Variants in MYH15 observed in about 807,000 individuals in gnomAD.
The protein encoded by MYH15 is myosin-15.
Under a neutral mutation model 240.5 loss-of-function variants are expected in MYH15, and 227 were observed. The ratio of observed to expected loss-of-function variants is 0.94; its 90% confidence interval spans 0.85 to 1.05. The LOEUF (loss-of-function observed/expected upper bound fraction) is 1.05. Among genes scored for constraint, MYH15 ranks in the 50% least tolerant of loss-of-function variants. The pLI, the probability that MYH15 is intolerant of heterozygous loss-of-function variation, is 0.00. For synonymous variants in MYH15, 785 were observed against 796.7 expected (o/e 0.99, Z 0.25); for missense variants, 2,217 against 2,247.5 (o/e 0.99, Z 0.27).
At chr3:108,383,270 T>C (rs1459823968) in intron 40 of MYH15, among the ~76,000 whole-genome samples, 1 of 152,218 alleles carries the variant, frequency 6.6e-6, no homozygotes, top group Non-Finnish European at 1.5e-5. Flanking sequence ...CTGTGCTTTT[T>C]AAAATCAACT....
chr3:108,441,119 G>C lies in MYH15; in HGVS notation c.2797C>G (p.Arg933Gly), dbSNP rs1317895575. The change falls in exon 23 of 41, where the codon CGG becomes GGG. Residue 933 changes from arginine (R) to glycine (G), a missense_variant. Physicochemically the swap from Arg to Gly is moderately radical, Grantham distance 125. Coordinates refer to ENST00000693548, the MANE Select transcript of MYH15 (RefSeq NM_014981.3). ...EINSELTARG[R>G]KLEDECFELK... Reference sequence around the variant, plus strand: ...TCAAAACATTCATCTTCGAGTTTCCGCCCCCTGGCAGTCAGCTCAGAATTT... The same window carrying C: ...TCAAAACATTCATCTTCGAGTTTCCCCCCCCTGGCAGTCAGCTCAGAATTT... 4.3e-6 allele frequency: 7 copies of C among 1,614,026 alleles called. No individual in the cohort carries two copies. Among genetic ancestry groups the C allele is most frequent in the Non-Finnish European group, 5.9e-6 (7 of 1,179,990 alleles).
chr3:108,528,208 A>G (rs993882470), intron 1 of MYH15, among the ~76,000 whole-genome samples: 1 of 152,200 alleles, frequency 6.6e-6, no homozygotes, highest in Admixed American at 6.5e-5. Context: ...AAATACAATA[A>G]TATCTGTAAA....
intron 8 of MYH15, among the ~76,000 whole-genome samples, chr3:108,492,865 G>T (rs1053073373): frequency 6.6e-6 from 1 of 151,992 alleles, no homozygotes; most frequent in Non-Finnish European, 1.5e-5. Context: ...GTAGAGGATT[G>T]CTTGATCCCA....
chr3:108,479,353 G>A (rs1291040713), intron 11 of MYH15, among the ~76,000 whole-genome samples: 1 of 152,170 alleles, frequency 6.6e-6, no homozygotes, highest in Non-Finnish European at 1.5e-5. Context: ...GCATCAGTGT[G>A]TATTGGAATA....
intron 29 of MYH15, among the ~76,000 whole-genome samples, chr3:108,414,955 A>G (rs2082622120): frequency 6.6e-6 from 1 of 152,228 alleles, no homozygotes; most frequent in South Asian, 2.1e-4. Flanking sequence ...AATGTTCTCT[A>G]TGTACACTGT....
At chr3:108,528,810 C>CT (rs2083692641) in intron 1 of MYH15, among the ~76,000 whole-genome samples, 1 of 152,180 alleles carries the variant, frequency 6.6e-6, no homozygotes, top group African/African-American at 2.4e-5. Flanking sequence ...ACTATTCTGA[C>CT]TTTTTGCCTT....
At chr3:108,529,821 C>T (rs1193205233), upstream of MYH15, among the ~76,000 whole-genome samples, 1 of 152,144 alleles carries the variant, frequency 6.6e-6, no homozygotes, top group Non-Finnish European at 1.5e-5. Context: ...GTTTTCAGAC[C>T]ATGACCAGCA....
At chr3:108,468,870 A>T (rs1002352350) in intron 14 of MYH15, among the ~76,000 whole-genome samples, 1 of 152,204 alleles carries the variant, frequency 6.6e-6, no homozygotes, top group Non-Finnish European at 1.5e-5. Context: ...CCAGAAGATA[A>T]ATCTGTTCCT....
chr3:108,404,449 A>G (rs1157411771), intron 33 of MYH15, among the ~76,000 whole-genome samples: 2 of 152,334 alleles, frequency 1.3e-5, no homozygotes, highest in East Asian at 3.9e-4. Context: ...TAATATAATC[A>G]TCGTTAATTC....
chr3:108,421,219 A>G lies in MYH15; in HGVS notation c.3703-5T>C, dbSNP rs1442082835. The G allele has an allele frequency of 5.0e-6, 8 of 1,610,470 alleles. No homozygotes were observed. The highest frequency in any genetic ancestry group is 5.9e-6 in the Non-Finnish European group (7 of 1,179,504). Reference sequence around the variant, plus strand: ...ACAGAGTTTCTCAGCATTTGCCTATAAGTTGAGAAAGAAGGGCTGGTCAGG... The same window carrying G: ...ACAGAGTTTCTCAGCATTTGCCTATGAGTTGAGAAAGAAGGGCTGGTCAGG... On this transcript the variant is annotated splice_polypyrimidine_tract_variant and splice_region_variant and intron_variant, in intron 27 of 40. Coordinates refer to ENST00000693548, the MANE Select transcript of MYH15 (RefSeq NM_014981.3).
chr3:108,407,212 AC>A (rs1326844251), intron 32 of MYH15, among the ~76,000 whole-genome samples: 1 of 152,214 alleles, frequency 6.6e-6, no homozygotes, highest in African/African-American at 2.4e-5. Flanking sequence ...TTCTGGAATC[AC>A]AACGGTGAGG....
chr3:108,414,498 AT>A (rs919459879), intron 29 of MYH15, 70 bp from the exon 30 acceptor site: 4,203 of 1,257,656 alleles, frequency 3.3e-3, no homozygotes, highest in South Asian at 4.9e-3. Flanking sequence ...AAGTAAGCTA[AT>A]TTTTTTTTTA....
intron 33 of MYH15, among the ~76,000 whole-genome samples, chr3:108,402,856 C>G (rs572486944): frequency 1.3e-5 from 2 of 152,276 alleles, no homozygotes; most frequent in African/African-American, 4.8e-5. Context: ...ACTAACATGG[C>G]AATTATGGCA....
At chr3:108,382,611 T>C (rs2082351680) in intron 40 of MYH15, among the ~76,000 whole-genome samples, 1 of 152,176 alleles carries the variant, frequency 6.6e-6, no homozygotes, top group South Asian at 2.1e-4. Context: ...GTGTGACTTT[T>C]TACCATGTCA....
At chr3:108,479,767 AG>A (rs149994616) in intron 11 of MYH15, among the ~76,000 whole-genome samples, 6,161 of 152,286 alleles carry the variant, frequency 0.04, 397 homozygotes, top group African/African-American at 0.14. Context: ...AAAAAGGTAG[AG>A]AAACTCAAAA....
At chr3:108,409,804 C>T (rs980375767) in intron 31 of MYH15, among the ~76,000 whole-genome samples, 1 of 152,120 alleles carries the variant, frequency 6.6e-6, no homozygotes, top group Non-Finnish European at 1.5e-5. Context: ...TTTACATGTG[C>T]ATAAATACAT....
At chr3:108,386,964 A>C (rs1275430442) in intron 38 of MYH15, among the ~76,000 whole-genome samples, 1 of 152,092 alleles carries the variant, frequency 6.6e-6, no homozygotes, top group African/African-American at 2.4e-5. Flanking sequence ...ACCTAATCTT[A>C]TGTTCTGCTT....
intron 33 of MYH15, among the ~76,000 whole-genome samples, chr3:108,401,693 A>G (rs1341661309): frequency 6.6e-6 from 1 of 152,266 alleles, no homozygotes; most frequent in Non-Finnish European, 1.5e-5. Flanking sequence ...CTACTTAAGC[A>G]GACAAACTGC....
At chr3:108,413,969 G>A (rs1018605416) in intron 30 of MYH15, among the ~76,000 whole-genome samples, 1 of 152,092 alleles carries the variant, frequency 6.6e-6, no homozygotes, top group African/African-American at 2.4e-5. Flanking sequence ...AACTTCCCTT[G>A]TGCCCCTAGA....
Sources: allele counts gnomAD v4.1 joint callset (sites outside exome capture counted in the v4.1 genomes callset), GRCh38; gene constraint gnomAD v4.1.1; transcripts MANE v1.5; gene names NCBI Gene and HGNC (gene_info 2026-07-23, HGNC 2026-07-21).